The following MEF2C variants were observed in gnomAD, a reference collection of about 807,000 sequenced individuals.
MEF2C encodes the protein myocyte-specific enhancer factor 2C.
MEF2C carries 6 observed loss-of-function variants against 50.5 expected under a neutral mutation model. That is an observed-to-expected ratio of 0.12 (90% confidence interval 0.07 to 0.23). The LOEUF (loss-of-function observed/expected upper bound fraction) is 0.23. Among genes scored for constraint, MEF2C ranks in the 10% least tolerant of loss-of-function variants. MEF2C has a pLI of 1.00. For synonymous variants in MEF2C, 183 were observed against 228.0 expected, an observed-to-expected ratio of 0.80 and a Z score of 1.78; for missense variants, 276 against 605.0, an observed-to-expected ratio of 0.46 and a Z score of 5.70.
chr5:88,803,512 A>G (rs1799195447), intron 3 of MEF2C, among the ~76,000 whole-genome samples: 1 of 152,216 alleles, frequency 6.6e-6, no homozygotes, highest in Non-Finnish European at 1.5e-5. Context: ...TACTCTGGCA[A>G]ACTGGCTCTT....
chr5:88,805,098 A>T (rs1030394527), intron 2 of MEF2C, among the ~76,000 whole-genome samples: 16 of 151,698 alleles, frequency 1.1e-4, no homozygotes, highest in Admixed American at 3.3e-4. Flanking sequence ...GTTAAGATTT[A>T]AAAAAAAATT....
At chr5:88,814,232 T>C (rs926669867) in intron 2 of MEF2C, among the ~76,000 whole-genome samples, 12 of 152,174 alleles carry the variant, frequency 7.9e-5, no homozygotes, top group African/African-American at 2.6e-4. Context: ...TCTTCAGTTT[T>C]ATTTTGTTTA....
At position 88,729,361 on chromosome 5, in the gene MEF2C, TAA is replaced by T; in HGVS notation, c.835-16_835-15del. Reference sequence around the variant, plus strand: ...TATCCTTTGATTCTTTTAAAATAAATAAAAAGACATTACTGATGAATTTTTTT... The same window carrying T: ...TATCCTTTGATTCTTTTAAAATAAATAAAGACATTACTGATGAATTTTTTT... On this transcript the variant is annotated splice_polypyrimidine_tract_variant and intron_variant, in intron 8 of 10. Transcript: ENST00000504921. 6.3e-7 allele frequency: 1 copy of T among 1,577,332 alleles called. No individual in the cohort carries two copies. Among genetic ancestry groups the T allele is most frequent in the Non-Finnish European group, 8.6e-7 (1 of 1,160,046 alleles).
At chr5:88,892,604 C>G (rs1834711644) in intron 1 of MEF2C, among the ~76,000 whole-genome samples, 1 of 152,152 alleles carries the variant, frequency 6.6e-6, no homozygotes, top group Admixed American at 6.5e-5. Context: ...TTTTAAAATA[C>G]CATGACTTAA....
chr5:88,762,745 C>G (rs867108363), intron 3 of MEF2C, among the ~76,000 whole-genome samples: 10 of 152,034 alleles, frequency 6.6e-5, no homozygotes, highest in East Asian at 3.9e-4. Context: ...CCACCAAGAT[C>G]CGTTATAAAG....
chr5:88,720,363 T>C lies in MEF2C; in HGVS notation c.*2241A>G, dbSNP rs1246700705. ...TTTTTTTTTTTAATATATAAAACAT[T>C]AGTACAAGGCAGGCTAGCATCCTTT... On this transcript the variant is annotated 3_prime_UTR_variant, in exon 11 of 11. Coordinates refer to ENST00000504921, the MANE Select transcript of MEF2C (RefSeq NM_002397.5). 1 of 152,416 alleles carries C rather than the reference T, an allele frequency of 6.6e-6. No homozygotes were observed. Among genetic ancestry groups the C allele is most frequent in the African/African-American group, 2.4e-5 (1 of 41,402 alleles). 9.4% of individuals were successfully genotyped at this position (152,416 alleles called of 1,614,324 possible).
chr5:88,790,434 T>G (rs1793221978), intron 3 of MEF2C, among the ~76,000 whole-genome samples: 1 of 152,184 alleles, frequency 6.6e-6, no homozygotes, highest in Non-Finnish European at 1.5e-5. Flanking sequence ...AATCAGCATT[T>G]TAGCAAGATA....
chr5:88,728,589 C>A lies in MEF2C; in HGVS notation c.1004G>T (p.Gly335Val). The A allele has an allele frequency of 6.5e-7, 1 of 1,528,856 alleles. No homozygotes were observed. Among genetic ancestry groups the A allele is most frequent in the South Asian group, 1.3e-5 (1 of 79,316 alleles). The allele number at this position is 1,528,856 out of a possible 1,614,324, so 94.7% of individuals were successfully genotyped here. ...GTGAAGAGCGCTGGCGGTGTTAAAC[C>A]CAGACAGAGATGACAGGTCTGCACT... ...LSSADLSSLS[G>V]FNTASALHLG... Residue 335 changes from glycine to valine, a missense_variant, in exon 10 of 11, where the codon GGG (glycine) becomes GTG (valine). Coordinates refer to ENST00000504921, the MANE Select transcript of MEF2C (RefSeq NM_002397.5).
intron 1 of MEF2C, chr5:88,825,668 T>A (rs1272411621): frequency 2.0e-6 from 2 of 981,720 alleles, no homozygotes; most frequent in Non-Finnish European, 2.4e-6. Context: ...TTAGAAAACG[T>A]CTTAAATGTC....
At chr5:88,781,432 C>T (rs34818909) in intron 3 of MEF2C, among the ~76,000 whole-genome samples, 2,936 of 152,246 alleles carry the variant, frequency 0.019, 35 homozygotes, top group Middle Eastern at 0.037. Flanking sequence ...CCCTTTTTTA[C>T]TGCTTCAGAA....
chr5:88,814,269 C>G (rs1041390989), intron 2 of MEF2C, among the ~76,000 whole-genome samples: 1 of 151,408 alleles, frequency 6.6e-6, no homozygotes. Context: ...GAAAGGCTCG[C>G]GAGCTTTAGG....
At chr5:88,737,182 C>T (rs1233326285) in intron 6 of MEF2C, 2 of 985,170 alleles carry the variant, frequency 2.0e-6, no homozygotes, top group Admixed American at 6.2e-5. Context: ...TAAATTGAAA[C>T]ATCAAGGGTC....
intron 6 of MEF2C, chr5:88,733,779 G>T: frequency 1.0e-6 from 1 of 985,142 alleles, no homozygotes; most frequent in African/African-American, 1.7e-5. Context: ...AGTTCCTGGG[G>T]CAAAAAAACA....
At chr5:88,807,669 C>T (rs925483252) in intron 2 of MEF2C, among the ~76,000 whole-genome samples, 2 of 152,084 alleles carry the variant, frequency 1.3e-5, no homozygotes, top group Admixed American at 6.6e-5. Flanking sequence ...AGAGTAGGTG[C>T]TCAATAAATA....
intron 1 of MEF2C, 195 bp from the exon 2 acceptor site, chr5:88,824,125 A>C: frequency 1.1e-6 from 1 of 891,198 alleles, no homozygotes; most frequent in Non-Finnish European, 1.4e-6. Context: ...TTTAACAATT[A>C]AAATGATCTC....
intron 6 of MEF2C, chr5:88,741,516 T>G: frequency 6.1e-6 from 6 of 985,432 alleles, no homozygotes; most frequent in Non-Finnish European, 7.2e-6. Flanking sequence ...AAAATTTTGG[T>G]CCATGGTTTT....
rs576238519 is a variant in MEF2C at position 88,807,471 on chromosome 5, C to T, written c.55-2670G>A. On this transcript the variant is annotated intron_variant, in intron 2 of 10. Coordinates refer to ENST00000504921, the MANE Select transcript of MEF2C (RefSeq NM_002397.5). ...CTGTTCTCAAACTTCTGAGCTCAAG[C>T]GATCCTCCCGCTTAAGCCTTTCAAA... Among the ~76,000 whole-genome samples, 14 of 152,260 alleles carry T rather than the reference C, an allele frequency of 9.2e-5. No individual in the cohort carries two copies. In the South Asian group the frequency reaches 1.0e-3, roughly 11 times the overall value.
intron 2 of MEF2C, among the ~76,000 whole-genome samples, chr5:88,821,489 T>G (rs1372730611): frequency 6.6e-6 from 1 of 151,874 alleles, no homozygotes; most frequent in African/African-American, 2.4e-5. Flanking sequence ...GGTCTTGAAC[T>G]CCTGGGCTCC....
At chr5:88,864,136 TCTG>T (rs1224851950) in intron 1 of MEF2C, among the ~76,000 whole-genome samples, 34 of 85,768 alleles carry the variant, frequency 4.0e-4, no homozygotes, top group African/African-American at 1.5e-3. Context: ...AGCCATGTTT[TCTG>T]TTTTTTTTTT....
Sources: gnomAD v4.1 joint callset for allele counts (sites outside exome capture counted in the v4.1 genomes callset) on GRCh38, gnomAD v4.1.1 for gene constraint, MANE v1.5 for transcripts, NCBI Gene and HGNC (gene_info 2026-07-23, HGNC 2026-07-21) for gene names.